GATAD2A: variants seen among roughly 807,000 people sequenced by gnomAD.
The protein encoded by GATAD2A is transcriptional repressor p66-alpha.
In GATAD2A, 12 loss-of-function variants were observed where a neutral mutation model predicts 68.5. The ratio of observed to expected loss-of-function variants is 0.18; its 90% CI spans 0.11 to 0.28. The LOEUF (loss-of-function observed/expected upper bound fraction) is 0.28. Among genes scored for constraint, GATAD2A ranks in the 10% least tolerant of loss-of-function variants. The pLI is 1.00. For synonymous variants in GATAD2A, 410 were observed against 375.3 expected, an observed-to-expected ratio of 1.09 and a Z score of -1.07; for missense variants, 755 against 868.5, an observed-to-expected ratio of 0.87 and a Z score of 1.64.
chr19:19,406,413 C>CG (rs1382836572), intron 1 of GATAD2A, among the ~76,000 whole-genome samples: 136 of 125,100 alleles, frequency 1.1e-3, no homozygotes, highest in African/African-American at 3.7e-3. Context: ...CGCTCAGGGG[C>CG]GGGGGTCCGG....
intron 1 of GATAD2A, among the ~76,000 whole-genome samples, chr19:19,437,800 C>T (rs1404409834): frequency 6.6e-6 from 1 of 152,166 alleles, no homozygotes; most frequent in Admixed American, 6.6e-5. Flanking sequence ...GGATGAACCA[C>T]ATTTTGTTTA....
intron 1 of GATAD2A, among the ~76,000 whole-genome samples, chr19:19,423,012 TTTG>T (rs759568850): frequency 7.9e-5 from 12 of 152,004 alleles, no homozygotes; most frequent in Non-Finnish European, 1.3e-4. Context: ...CGCCCGGCCT[TTTG>T]TTTGTTTTTG....
chr19:19,419,270 C>G (rs954233229), intron 1 of GATAD2A, among the ~76,000 whole-genome samples: 5 of 152,184 alleles, frequency 3.3e-5, no homozygotes, highest in African/African-American at 1.2e-4. Context: ...AGAATTGGTC[C>G]TAGTTTATGA....
intron 1 of GATAD2A, among the ~76,000 whole-genome samples, chr19:19,389,466 C>T (rs1238137961): frequency 3.9e-5 from 6 of 152,130 alleles, no homozygotes; most frequent in African/African-American, 1.4e-4. Context: ...AAGACTCCTG[C>T]CGAGGCTATA....
At chr19:19,498,871 C>T (rs934305413) in intron 8 of GATAD2A, 149 bp downstream of exon 8, 2 of 657,056 alleles carry the variant, frequency 3.0e-6, no homozygotes. Context: ...ACCGTCAGTG[C>T]CACTGTGGAG....
Position 19,492,333 on chromosome 19 carries a change from C to A in GATAD2A, c.297C>A (p.Pro99=). 2 of 1,607,948 alleles carry A rather than the reference C, an allele frequency of 1.2e-6. No homozygotes were observed. Among genetic ancestry groups the A allele is most frequent in the South Asian group, 1.1e-5 (1 of 89,854 alleles). Reference sequence around the variant, plus strand: ...ACATGAAGTCCGAGAGGAGACCCCCCTCACCTGACGTGATTGTGCTCTCCG... The same window carrying A: ...ACATGAAGTCCGAGAGGAGACCCCCATCACCTGACGTGATTGTGCTCTCCG... ...HSDMKSERRP[P]SPDVIVLSDN... is the part of the protein sequence containing the mutation. The change falls in exon 3 of 12, where the codon CCC becomes CCA. Residue 99 remains proline, a synonymous_variant. Coordinates refer to ENST00000683918, the MANE Select transcript of GATAD2A (RefSeq NM_001384528.1).
chr19:19,388,427 C>T (rs893516767), intron 1 of GATAD2A, among the ~76,000 whole-genome samples: 10 of 152,110 alleles, frequency 6.6e-5, no homozygotes, highest in Admixed American at 3.3e-4. Flanking sequence ...GAAATGTACC[C>T]CTCCTTCAGT....
At chr19:19,431,121 T>G (rs1297065716) in intron 1 of GATAD2A, among the ~76,000 whole-genome samples, 5 of 151,910 alleles carry the variant, frequency 3.3e-5, no homozygotes, top group African/African-American at 1.2e-4. Context: ...TACTTGATAC[T>G]GCTTTAAATG....
intron 1 of GATAD2A, among the ~76,000 whole-genome samples, chr19:19,455,971 A>C (rs2056885347): frequency 1.3e-5 from 2 of 151,998 alleles, no homozygotes; most frequent in Non-Finnish European, 2.9e-5. Context: ...TAACACGATG[A>C]AACACCATCT....
upstream of GATAD2A, chr19:19,401,946 G>A (rs2965179): frequency 0.16 from 23,986 of 152,182 alleles, 2,009 homozygotes; most frequent in Middle Eastern, 0.28. Flanking sequence ...GAGTACACTC[G>A]AAAGACCATT....
At chr19:19,465,665 T>C (rs2057810072) in intron 2 of GATAD2A, 51 bp downstream of exon 2, 2 of 1,545,744 alleles carry the variant, frequency 1.3e-6, no homozygotes, top group Non-Finnish European at 1.7e-6. Flanking sequence ...ACAAGCCCAG[T>C]GTGCCCAGGT....
intron 1 of GATAD2A, among the ~76,000 whole-genome samples, chr19:19,427,038 C>G (rs911800216): frequency 1.3e-5 from 2 of 151,498 alleles, no homozygotes; most frequent in East Asian, 3.9e-4. Flanking sequence ...AGAAGTCAGG[C>G]TCAAAAAGAC....
chr19:19,489,809 A>G (rs1348639362), intron 2 of GATAD2A, among the ~76,000 whole-genome samples: 1 of 152,248 alleles, frequency 6.6e-6, no homozygotes, highest in Non-Finnish European at 1.5e-5. Context: ...GTAACTCTAT[A>G]CAAGATGCTG....
chr19:19,480,435 C>T (rs1480128374), intron 2 of GATAD2A, among the ~76,000 whole-genome samples: 1 of 152,196 alleles, frequency 6.6e-6, no homozygotes, highest in Non-Finnish European at 1.5e-5. Flanking sequence ...AATGGAAGCT[C>T]GTACTTTATC....
chr19:19,441,155 G>A (rs1204239322), intron 1 of GATAD2A, among the ~76,000 whole-genome samples: 3 of 151,556 alleles, frequency 2.0e-5, no homozygotes, highest in Non-Finnish European at 2.9e-5. Context: ...TGATTCTCCT[G>A]CTTCAGCCTC....
chr19:19,385,895 G>A (rs1311851035), exon 1 of GATAD2A: 2 of 150,488 alleles, frequency 1.3e-5, no homozygotes, highest in Admixed American at 6.6e-5. Context: ...CTGCGCGGCG[G>A]CTCCTCCCGC....
At chr19:19,406,782 GGGCCCA>G (rs1311988258) in intron 1 of GATAD2A, among the ~76,000 whole-genome samples, 2 of 152,182 alleles carry the variant, frequency 1.3e-5, no homozygotes, top group East Asian at 3.9e-4. Context: ...CTTATGGGCA[GGGCCCA>G]GGCTGAGAGC....
intron 1 of GATAD2A, among the ~76,000 whole-genome samples, chr19:19,453,039 G>A (rs2056551120): frequency 1.3e-5 from 2 of 152,228 alleles, no homozygotes; most frequent in South Asian, 2.1e-4. Context: ...CTGCCACTGG[G>A]CATCCCTGTA....
intron 2 of GATAD2A, among the ~76,000 whole-genome samples, chr19:19,476,879 G>A (rs2058709905): frequency 6.6e-6 from 1 of 152,212 alleles, no homozygotes; most frequent in Admixed American, 6.5e-5. Flanking sequence ...AGATCTTTCT[G>A]AGGTTTTTCT....
Sources: allele counts gnomAD v4.1 joint callset (sites outside exome capture counted in the v4.1 genomes callset), GRCh38; gene constraint gnomAD v4.1.1; transcripts MANE v1.5; gene names NCBI Gene and HGNC (gene_info 2026-07-23, HGNC 2026-07-21).